The following CSMD2 variants were observed in gnomAD, a reference collection of about 807,000 sequenced individuals.
CSMD2 encodes CUB and sushi domain-containing protein 2.
CSMD2 carries 130 observed loss-of-function variants against 398.5 expected under a neutral mutation model. The ratio of observed to expected loss-of-function variants is 0.33; its 90% CI spans 0.28 to 0.38. CSMD2 has a LOEUF of 0.38. Ranked by LOEUF, CSMD2 falls within the 10% of genes least tolerant of loss-of-function variation. The pLI, the probability that CSMD2 is intolerant of heterozygous loss-of-function variation, is 1.00. For synonymous variants in CSMD2, 1,828 were observed against 1,908.5 expected (o/e 0.96, Z 1.10); for missense variants, 3,829 against 4,764.9 (o/e 0.80, Z 5.78).
Position 33,601,017 on chromosome 1 carries a change from A to C in CSMD2, c.6711-7T>G. ...TGTTTGCTGTGGCCCATCCCTGTAC[A>C]CAGGAAACAAGGTCCTGGCATGTCA... is the stretch of plus-strand genomic sequence containing the variant. On this transcript the variant is annotated splice_polypyrimidine_tract_variant and splice_region_variant and intron_variant, in intron 43 of 70. Transcript: ENST00000373381. 6.2e-7 allele frequency: 1 copy of C among 1,613,954 alleles called. No individual in the cohort carries two copies. The highest frequency in any genetic ancestry group is 8.5e-7 in the Non-Finnish European group (1 of 1,179,962).
intron 32 of CSMD2, among the ~76,000 whole-genome samples, chr1:33,629,240 T>C (rs1642319058): frequency 6.6e-6 from 1 of 152,058 alleles, no homozygotes; most frequent in Non-Finnish European, 1.5e-5. Flanking sequence ...ATAACTACTA[T>C]AACATTAATA....
chr1:33,733,982 A>G (rs1646802660), intron 15 of CSMD2, among the ~76,000 whole-genome samples: 1 of 152,164 alleles, frequency 6.6e-6, no homozygotes. Flanking sequence ...AACTCACCTC[A>G]CTGTTTTTGC....
chr1:33,652,538 T>A, intron 27 of CSMD2, 77 bp from the exon 28 acceptor site: 1 of 1,541,984 alleles, frequency 6.5e-7, no homozygotes, highest in Non-Finnish European at 8.9e-7. Flanking sequence ...TAATGCACTA[T>A]TGAGAGAGGA....
intron 1 of CSMD2, among the ~76,000 whole-genome samples, chr1:34,094,229 G>C (rs1658995683): frequency 6.6e-6 from 1 of 151,488 alleles, no homozygotes; most frequent in Admixed American, 6.6e-5. Flanking sequence ...GTCACCACCA[G>C]GCCTGCCCTA....
intron 41 of CSMD2, among the ~76,000 whole-genome samples, chr1:33,607,265 C>A (rs1640677221): frequency 6.6e-6 from 1 of 152,146 alleles, no homozygotes; most frequent in South Asian, 2.1e-4. Flanking sequence ...TGATGGGAAT[C>A]TTTACTTAAA....
intron 1 of CSMD2, among the ~76,000 whole-genome samples, chr1:34,134,980 A>C (rs1034758884): frequency 6.6e-6 from 1 of 152,286 alleles, no homozygotes; most frequent in Admixed American, 6.5e-5. Flanking sequence ...TAGAAATTCA[A>C]ATACTCAGAT....
At chr1:33,764,923 C>T (rs896564894) in intron 13 of CSMD2, among the ~76,000 whole-genome samples, 1 of 152,146 alleles carries the variant, frequency 6.6e-6, no homozygotes, top group African/African-American at 2.4e-5. Flanking sequence ...GCATGCTTCA[C>T]CTGTGCATGT....
At chr1:33,638,416 C>T (rs923984096) in intron 29 of CSMD2, among the ~76,000 whole-genome samples, 3 of 152,192 alleles carry the variant, frequency 2.0e-5, no homozygotes, top group Admixed American at 6.5e-5. Context: ...TCATAAGAGG[C>T]AAAACTAGCT....
intron 3 of CSMD2, among the ~76,000 whole-genome samples, chr1:34,031,260 G>T (rs10914854): frequency 0.1 from 15,346 of 151,802 alleles, 866 homozygotes; most frequent in East Asian, 0.2. Context: ...ACGGGATTTT[G>T]TCCTGTTGCC....
chr1:34,010,091 C>T (rs1338444177), intron 3 of CSMD2, among the ~76,000 whole-genome samples: 2 of 152,214 alleles, frequency 1.3e-5, no homozygotes, highest in Non-Finnish European at 2.9e-5. Context: ...AATATTCATA[C>T]AGGTCTGTCT....
At chr1:34,014,653 T>G (rs1480837581) in intron 3 of CSMD2, among the ~76,000 whole-genome samples, 1 of 152,246 alleles carries the variant, frequency 6.6e-6, no homozygotes, top group East Asian at 1.9e-4. Flanking sequence ...GTCTGATTTT[T>G]TATCTGTCTC....
intron 1 of CSMD2, among the ~76,000 whole-genome samples, chr1:34,145,942 T>C (rs910759668): frequency 2.0e-5 from 3 of 152,192 alleles, no homozygotes; most frequent in African/African-American, 7.2e-5. Context: ...ACTCTGCAGA[T>C]GTCCTGAGTG....
Position 33,636,826 on chromosome 1 carries a change from G to T in CSMD2, c.4775-272C>A, listed in dbSNP as rs572191608. 1.5e-3 allele frequency among the ~76,000 whole-genome samples: 221 copies of T among 152,208 alleles called. No homozygotes were observed. Among genetic ancestry groups the T allele is most frequent in the Non-Finnish European group, 2.6e-3 (176 of 68,002 alleles). ...CAGAGGAAGGAGGCCCAGCAAAATC[G>T]CTGAGGCCCTCTCTCATCCCCTGCT... On this transcript the variant is annotated intron_variant, in intron 29 of 70. Coordinates refer to ENST00000373381, the MANE Select transcript of CSMD2 (RefSeq NM_001281956.2). The surrounding 1 kb of genome is among the most constrained non-coding windows in gnomAD (Gnocchi z 4.8).
At chr1:33,592,222 C>T (rs1303559110) in intron 44 of CSMD2, 1 of 603,026 alleles carries the variant, frequency 1.7e-6, no homozygotes, top group Non-Finnish European at 3.0e-6. Context: ...CAATCATTCT[C>T]TTTCTGCACA....
At chr1:33,859,141 G>A (rs146647457) in intron 5 of CSMD2, among the ~76,000 whole-genome samples, 1 of 152,300 alleles carries the variant, frequency 6.6e-6, no homozygotes, top group Non-Finnish European at 1.5e-5. Flanking sequence ...ACAAATAACT[G>A]TACATTTAAG....
chr1:33,689,694 C>T (rs181744062), intron 25 of CSMD2, among the ~76,000 whole-genome samples: 14 of 152,274 alleles, frequency 9.2e-5, no homozygotes, highest in Non-Finnish European at 1.8e-4. Context: ...AGGTACATTA[C>T]GGCCGCTATG....
rs766271201 is a variant in CSMD2, at chr1:33,652,454, G to T, written c.4455C>A (p.Cys1485Ter). 1 of 1,613,966 alleles carries T rather than the reference G, an allele frequency of 6.2e-7. No homozygotes were observed. The highest frequency in any genetic ancestry group is 1.3e-5 in the African/African-American group (1 of 74,918). The change falls in exon 28 of 71, where the codon TGC (cysteine) becomes TGA (stop). Residue 1485 changes from cysteine (C) to a stop codon, truncating the protein, a stop_gained. Transcript: ENST00000373381. LOFTEE classifies it high-confidence loss of function. ...CAGATGGTCCTGTCAGGTCTCCCCC[G>T]CAGGGAGCTGAGGAGAGAAGAAGAC... ...QPSPPTCIAPCGGDLTGPSGV... is the reference protein window; with the variant it reads ...QPSPPTCIAP
chr1:33,630,252 C>G (rs1642388543), intron 32 of CSMD2, among the ~76,000 whole-genome samples: 1 of 152,148 alleles, frequency 6.6e-6, no homozygotes, highest in Non-Finnish European at 1.5e-5. Flanking sequence ...ATCTATCTAT[C>G]TGTTTTGAAA....
At chr1:33,750,545 C>T (rs1648077576) in intron 13 of CSMD2, among the ~76,000 whole-genome samples, 1 of 152,208 alleles carries the variant, frequency 6.6e-6, no homozygotes, top group Admixed American at 6.5e-5. Context: ...CACCTACTTC[C>T]TCCCAGAGGA....
Sources: allele counts gnomAD v4.1 joint callset (sites outside exome capture counted in the v4.1 genomes callset), GRCh38; gene constraint gnomAD v4.1.1; non-coding constraint Gnocchi (gnomAD v3.1); transcripts MANE v1.5; gene names NCBI Gene and HGNC (gene_info 2026-07-23, HGNC 2026-07-21).